DCAF1: variants seen among roughly 807,000 people sequenced by gnomAD.
The protein encoded by DCAF1 is DDB1 and CUL4 associated factor 1, also known as DDB1- and CUL4-associated factor 1.
DCAF1 carries 15 observed loss-of-function variants against 128.0 expected under a neutral mutation model. That is an observed-to-expected ratio of 0.12 (90% CI 0.08 to 0.18). DCAF1 has a LOEUF of 0.18. DCAF1 is among the 10% of genes least tolerant of loss of function. DCAF1 has a pLI of 1.00. For synonymous variants in DCAF1, 610 were observed against 603.0 expected (o/e 1.01, Z -0.17); for missense variants, 988 against 1,649.5 (o/e 0.60, Z 6.95).
chr3:51,494,396 G>A (rs921196429), intron 2 of DCAF1, among the ~76,000 whole-genome samples: 1 of 152,052 alleles, frequency 6.6e-6, no homozygotes, highest in South Asian at 2.1e-4. Flanking sequence ...TTACAGGTGT[G>A]AGCCACCGCG....
intron 3 of DCAF1, among the ~76,000 whole-genome samples, chr3:51,478,994 A>AT (rs1156950316): frequency 2.3e-4 from 35 of 152,294 alleles, no homozygotes; most frequent in African/African-American, 7.5e-4. Flanking sequence ...AAACAAAAAG[A>AT]TTTTTTTAAC....
chr3:51,498,096 T>TTAC (rs1708435338), intron 1 of DCAF1, among the ~76,000 whole-genome samples: 1 of 128,704 alleles, frequency 7.8e-6, no homozygotes, highest in South Asian at 2.6e-4. Context: ...GCGCAGTGGC[T>TTAC]TACATCTGTA....
At chr3:51,433,742 C>T (rs1365928429) in intron 9 of DCAF1, among the ~76,000 whole-genome samples, 3 of 147,906 alleles carry the variant, frequency 2.0e-5, no homozygotes, top group African/African-American at 7.4e-5. Flanking sequence ...GGATTACAGG[C>T]GTGAGCCACC....
chr3:51,475,427 T>TC (rs1261080069), intron 3 of DCAF1, among the ~76,000 whole-genome samples: 1 of 150,788 alleles, frequency 6.6e-6, no homozygotes, highest in East Asian at 2.0e-4. Flanking sequence ...TATAGTGAAA[T>TC]CCCCCCCATC....
chr3:51,483,552 G>C (rs1460122584), intron 3 of DCAF1, among the ~76,000 whole-genome samples, 167 bp downstream of exon 3: 1 of 151,282 alleles, frequency 6.6e-6, no homozygotes, highest in Admixed American at 6.6e-5. Flanking sequence ...TTACAGTCTA[G>C]GTGAAAATGT....
At chr3:51,488,473 C>G (rs1423743838) in intron 2 of DCAF1, among the ~76,000 whole-genome samples, 1 of 151,840 alleles carries the variant, frequency 6.6e-6, no homozygotes, top group Non-Finnish European at 1.5e-5. Flanking sequence ...GTCAGGAGTT[C>G]GAGACCAGCC....
At chr3:51,438,002 A>G (rs1316841357) in intron 9 of DCAF1, 2 of 336,044 alleles carry the variant, frequency 6.0e-6, no homozygotes, top group Non-Finnish European at 1.2e-5. Context: ...TTTGTGTTCC[A>G]TTCAAATCTT....
rs782045955 is a variant in DCAF1, at chr3:51,430,226, C to G, written c.1288-14G>C. 8 of 769,336 alleles carry G rather than the reference C, an allele frequency of 1.0e-5. No individual in the cohort carries two copies. The South Asian group carries it at 1.1e-4, about 10-fold the overall frequency. The allele number at this position is 769,336 out of a possible 1,614,324, so 47.7% of individuals were successfully genotyped here. A position where few individuals can be genotyped will look rare whatever the true frequency, so the allele number is the denominator to read the frequency against. On this transcript the variant is annotated splice_polypyrimidine_tract_variant and intron_variant, in intron 10 of 24. Transcript: ENST00000684031. The stretch of plus-strand genomic sequence containing the variant: ...ATGCATGCAAACCTGCAAAAAAATA[C>G]AAATAAAACAATGCTTTTAAATTGT...
Position 51,441,852 on chromosome 3 carries a change from C to T in DCAF1, c.559G>A (p.Val187Met). ...RRLRELQLQE[V>M]ALRQENKRPS... ...CGCTTGTTTTCCTGCCGCAAAGCCACTTCCTGTAGCTGTAGCTCCCTCAGT... is the reference window on the plus strand; with the variant it reads ...CGCTTGTTTTCCTGCCGCAAAGCCATTTCCTGTAGCTGTAGCTCCCTCAGT... The change falls in exon 8 of 25, where the codon GTG becomes ATG. Residue 187 changes from valine (V) to methionine (M), a missense_variant. Val to Met is a conservative substitution (Grantham distance 21). Coordinates refer to ENST00000684031, the MANE Select transcript of DCAF1 (RefSeq NM_001387579.1). The T allele has an allele frequency of 6.2e-7, 1 of 1,612,322 alleles. No homozygotes were observed. The highest frequency in any genetic ancestry group is 1.7e-5 in the Admixed American group (1 of 59,978).
At chr3:51,400,304 TCCAGCACTGTGTCCCCA>T (rs2089565570) in intron 24 of DCAF1, among the ~76,000 whole-genome samples, 1 of 152,144 alleles carries the variant, frequency 6.6e-6, no homozygotes, top group South Asian at 2.1e-4. Flanking sequence ...CAGAGCCAAG[TCCAGCACTGTGTCCCCA>T]CCCCATACCA....
intron 3 of DCAF1, among the ~76,000 whole-genome samples, chr3:51,478,105 GCAATCCTCCTACCT>G (rs2108326087): frequency 6.6e-6 from 1 of 152,202 alleles, no homozygotes; most frequent in South Asian, 2.1e-4. Flanking sequence ...CCTGGCTCAA[GCAATCCTCCTACCT>G]CAGCCTCCTG....
At chr3:51,486,702 C>T (rs1706997959) in intron 2 of DCAF1, among the ~76,000 whole-genome samples, 1 of 152,078 alleles carries the variant, frequency 6.6e-6, no homozygotes, top group African/African-American at 2.4e-5. Context: ...GGCACGATCT[C>T]GGCTCACTGC....
At chr3:51,396,082 G>A (rs1553622827), downstream of DCAF1, 3 of 411,360 alleles carry the variant, frequency 7.3e-6, no homozygotes, top group Non-Finnish European at 1.3e-5. Context: ...CTGAGTCACA[G>A]GCCAGAGCTG....
chr3:51,410,785 G>A (rs1460305613), intron 23 of DCAF1, among the ~76,000 whole-genome samples: 1 of 152,222 alleles, frequency 6.6e-6, no homozygotes, highest in Non-Finnish European at 1.5e-5. Context: ...CTGTGGCAAT[G>A]CAAACTGAGG....
At chr3:51,495,095 G>A (rs1553660066) in intron 2 of DCAF1, among the ~76,000 whole-genome samples, 1 of 151,942 alleles carries the variant, frequency 6.6e-6, no homozygotes, top group African/African-American at 2.4e-5. Context: ...GGCCAATGCG[G>A]GTGTATCATC....
intron 9 of DCAF1, among the ~76,000 whole-genome samples, chr3:51,439,442 A>ATTTTT (rs1191716094): frequency 7.8e-6 from 1 of 128,410 alleles, no homozygotes; most frequent in Non-Finnish European, 1.6e-5. Flanking sequence ...TGCTATTTCT[A>ATTTTT]TTTTTTTTTT....
chr3:51,432,171 T>A (rs1401660809), intron 10 of DCAF1, among the ~76,000 whole-genome samples: 12 of 147,496 alleles, frequency 8.1e-5, no homozygotes, highest in Non-Finnish European at 1.5e-4. Context: ...CTTGGGAGGC[T>A]GAGGCAGAAG....
intron 2 of DCAF1, among the ~76,000 whole-genome samples, chr3:51,489,955 T>C (rs1707443228): frequency 6.6e-6 from 1 of 151,996 alleles, no homozygotes; most frequent in Admixed American, 6.6e-5. Flanking sequence ...ACATAAAAAT[T>C]ATTAGAATAA....
intron 4 of DCAF1, among the ~76,000 whole-genome samples, chr3:51,470,157 C>T (rs1553647983): frequency 6.6e-6 from 1 of 152,170 alleles, no homozygotes; most frequent in African/African-American, 2.4e-5. Flanking sequence ...AAGCAGGACA[C>T]TGAATGCTTT....
Sources: allele counts gnomAD v4.1 joint callset (sites outside exome capture counted in the v4.1 genomes callset), GRCh38; gene constraint gnomAD v4.1.1; transcripts MANE v1.5; gene names NCBI Gene and HGNC (gene_info 2026-07-23, HGNC 2026-07-21).